TMEM131: variants seen among roughly 807,000 people sequenced by gnomAD.
TMEM131 encodes the protein 2610524E03Rik.
TMEM131 carries 66 observed loss-of-function variants against 211.6 expected under a neutral mutation model. The ratio of observed to expected loss-of-function variants is 0.31; its 90% CI spans 0.26 to 0.38. The LOEUF is 0.38. Ranked by LOEUF, TMEM131 falls within the 10% of genes least tolerant of loss-of-function variation. The pLI, the probability that TMEM131 is intolerant of heterozygous loss-of-function variation, is 1.00. For missense variants in TMEM131, 2,036 were observed against 2,299.3 expected, an observed-to-expected ratio of 0.89 and a Z score of 2.34; for synonymous variants, 844 against 841.3, an observed-to-expected ratio of 1.00 and a Z score of -0.06.
intron 1 of TMEM131, among the ~76,000 whole-genome samples, chr2:97,976,872 C>A (rs1255768119): frequency 7.0e-6 from 1 of 143,188 alleles, no homozygotes; most frequent in Non-Finnish European, 1.5e-5. Flanking sequence ...TGCTTTTCAA[C>A]AAGTACAAGC....
chr2:97,840,544 C>T (rs561105366), intron 7 of TMEM131, among the ~76,000 whole-genome samples: 2 of 152,272 alleles, frequency 1.3e-5, no homozygotes, highest in South Asian at 2.1e-4. Flanking sequence ...GAACCATGAC[C>T]GTGCCACTGC....
intron 2 of TMEM131, among the ~76,000 whole-genome samples, chr2:97,923,897 G>A (rs372551692): frequency 7.2e-5 from 11 of 151,998 alleles, no homozygotes; most frequent in East Asian, 1.9e-4. Context: ...TGGCTAACAC[G>A]GTGAAACCCC....
intron 7 of TMEM131, among the ~76,000 whole-genome samples, chr2:97,838,794 G>C (rs1304233064): frequency 1.3e-5 from 2 of 152,076 alleles, no homozygotes; most frequent in African/African-American, 4.8e-5. Flanking sequence ...CCGGGGAGTT[G>C]CTGCTGTAAA....
chr2:97,775,033 A>G (rs1679648837), intron 32 of TMEM131, among the ~76,000 whole-genome samples: 1 of 152,228 alleles, frequency 6.6e-6, no homozygotes, highest in East Asian at 1.9e-4. Flanking sequence ...ATAGACTAAA[A>G]CTAAAAAAGA....
intron 3 of TMEM131, among the ~76,000 whole-genome samples, chr2:97,890,482 G>T (rs1310745674): frequency 6.6e-6 from 1 of 152,196 alleles, no homozygotes; most frequent in East Asian, 1.9e-4. Context: ...GTCATGACAT[G>T]GGAGGAGTGG....
intron 32 of TMEM131, among the ~76,000 whole-genome samples, chr2:97,775,341 T>G (rs1378429512): frequency 6.6e-6 from 1 of 152,188 alleles, no homozygotes; most frequent in African/African-American, 2.4e-5. Flanking sequence ...GCCTGGGGTC[T>G]TTCCTGGGGC....
At chr2:97,925,947 A>T (rs1049936779) in intron 2 of TMEM131, among the ~76,000 whole-genome samples, 3 of 151,858 alleles carry the variant, frequency 2.0e-5, no homozygotes, top group African/African-American at 7.3e-5. Context: ...CGTCTGTACT[A>T]AAAATACAAA....
intron 3 of TMEM131, among the ~76,000 whole-genome samples, chr2:97,895,601 G>A (rs565614258): frequency 6.6e-6 from 1 of 152,112 alleles, no homozygotes; most frequent in Admixed American, 6.6e-5. Flanking sequence ...ACTTAGGAGG[G>A]TGTATGTGTC....
intron 19 of TMEM131, among the ~76,000 whole-genome samples, chr2:97,806,307 T>A (rs1383035544): frequency 6.6e-6 from 1 of 152,038 alleles, no homozygotes; most frequent in Non-Finnish European, 1.5e-5. Flanking sequence ...GAGGCTAAGG[T>A]GGGTGGATCA....
At position 97,760,608 on chromosome 2, in the gene TMEM131, C is replaced by T. The variant is rs375742761; in HGVS notation, c.5093G>A (p.Ser1698Asn). The part of the protein sequence containing the change: ...SLGISHAPVD[S>N]DGSDSSGLWS... ...TCTACCGTACCTGTCTGAGCCATCG[C>T]TGTCAACAGGAGCGTGTGAAATGCC... The change falls in exon 38 of 41, where the codon AGC (serine) becomes AAC (asparagine). Residue 1698 changes from serine (S) to asparagine (N), a missense_variant. Ser to Asn is a conservative substitution (Grantham distance 46). This residue lies in a region of TMEM131 where 1,623 missense variants were observed against 1,805.9 expected (regional missense o/e 0.90). Coordinates refer to ENST00000186436, the MANE Select transcript of TMEM131 (RefSeq NM_015348.2). 4.1e-5 allele frequency: 66 copies of T among 1,611,698 alleles called. No homozygotes were observed. The highest frequency in any genetic ancestry group is 1.3e-4 in the Admixed American group (8 of 59,680).
intron 19 of TMEM131, among the ~76,000 whole-genome samples, chr2:97,807,925 A>G (rs1487633902): frequency 6.6e-6 from 1 of 152,218 alleles, no homozygotes; most frequent in Non-Finnish European, 1.5e-5. Context: ...CTAGTAATTC[A>G]AAGTTTGTAT....
At chr2:97,922,425 G>C (rs1464112024) in intron 2 of TMEM131, among the ~76,000 whole-genome samples, 1 of 152,092 alleles carries the variant, frequency 6.6e-6, no homozygotes, top group Non-Finnish European at 1.5e-5. Flanking sequence ...TGTTCACCAA[G>C]AGACAGCATT....
intron 28 of TMEM131, 103 bp from the exon 29 acceptor site, chr2:97,795,218 T>C: frequency 1.3e-6 from 1 of 788,148 alleles, no homozygotes; most frequent in Non-Finnish European, 1.9e-6. Context: ...ACACAGAATT[T>C]GCGTTTGATA....
intron 31 of TMEM131, among the ~76,000 whole-genome samples, chr2:97,786,239 TAAA>T: frequency 6.6e-6 from 1 of 152,044 alleles, no homozygotes; most frequent in Non-Finnish European, 1.5e-5. Context: ...CATCTCAAAA[TAAA>T]AAGCTAAAAA....
chr2:97,946,549 C>T (rs929949752), intron 1 of TMEM131, among the ~76,000 whole-genome samples: 2 of 151,870 alleles, frequency 1.3e-5, no homozygotes, highest in South Asian at 4.1e-4. Context: ...AAAAAACTAG[C>T]TAACTTGAAT....
Position 97,888,128 on chromosome 2 carries a change from T to TA in TMEM131, c.291-9dup. ...CCCCGGTAGAGAGATATACTGTAAA[T>TA]AAAAAGAAAACAACATAAGAAGCAA... On this transcript the variant is annotated splice_polypyrimidine_tract_variant and intron_variant, in intron 3 of 40. Transcript: ENST00000186436. 6.2e-7 allele frequency: 1 copy of TA among 1,608,590 alleles called. No homozygotes were observed. Among genetic ancestry groups the TA allele is most frequent in the Non-Finnish European group, 8.5e-7 (1 of 1,176,308 alleles).
chr2:97,767,048 TAG>T lies in TMEM131; in HGVS notation c.4449-448_4449-447del, dbSNP rs545828495. Reference sequence around the variant, plus strand: ...TTGAAAGATCTCACATCTATAACATTAGAGACTCCACTATTCAAAACTGAACA... The same window carrying T: ...TTGAAAGATCTCACATCTATAACATTAGACTCCACTATTCAAAACTGAACA... On this transcript the variant is annotated intron_variant, in intron 33 of 40. Coordinates refer to ENST00000186436, the MANE Select transcript of TMEM131 (RefSeq NM_015348.2). 1.6e-4 allele frequency among the ~76,000 whole-genome samples: 24 copies of T among 152,240 alleles called. 1 individual carries two copies. In the East Asian group the frequency reaches 2.1e-3, roughly 13 times the overall value.
intron 2 of TMEM131, among the ~76,000 whole-genome samples, chr2:97,926,629 A>G (rs1677003719): frequency 6.6e-6 from 1 of 152,194 alleles, no homozygotes; most frequent in Non-Finnish European, 1.5e-5. Flanking sequence ...CCTTTGCCAC[A>G]GAATTCTGAG....
intron 1 of TMEM131, among the ~76,000 whole-genome samples, chr2:97,950,729 T>G (rs1276516607): frequency 6.6e-6 from 1 of 152,056 alleles, no homozygotes; most frequent in Non-Finnish European, 1.5e-5. Flanking sequence ...ATTCCAAGAC[T>G]CCAATATCTA....
Sources: allele counts gnomAD v4.1 joint callset (sites outside exome capture counted in the v4.1 genomes callset), GRCh38; gene constraint gnomAD v4.1.1; regional missense constraint gnomAD v4.1.1; transcripts MANE v1.5; gene names NCBI Gene and HGNC (gene_info 2026-07-23, HGNC 2026-07-21).